Variants in HDHD2 observed in about 807,000 individuals in gnomAD.
HDHD2 encodes the protein haloacid dehalogenase-like hydrolase domain-containing protein 2.
In HDHD2, 26 loss-of-function variants were observed where a neutral mutation model predicts 24.8. That is an observed-to-expected ratio of 1.05 (90% CI 0.77 to 1.45). The LOEUF (loss-of-function observed/expected upper bound fraction) is 1.45. Ranked by LOEUF, HDHD2 falls within the 40% of genes most tolerant of loss-of-function variation. The pLI, the probability that HDHD2 is intolerant of heterozygous loss-of-function variation, is 0.00. For missense variants in HDHD2, 299 were observed against 313.4 expected (o/e 0.95, Z 0.35); for synonymous variants, 128 against 114.9 (o/e 1.11, Z -0.73).
At position 47,134,560 on chromosome 18, in the gene HDHD2, T is replaced by A; in HGVS notation, c.246A>T (p.Leu82Phe). 1 of 1,614,140 alleles carries A rather than the reference T, an allele frequency of 6.2e-7. No homozygotes were observed. The highest frequency in any genetic ancestry group is 1.1e-5 in the South Asian group (1 of 91,080). Residue 82 changes from leucine to phenylalanine, a missense_variant, in exon 3 of 7, where the codon TTA (leucine) becomes TTT (phenylalanine). Leu to Phe is a conservative substitution (Grantham distance 22). Transcript: ENST00000300605. ...IFTSLTAARS[L>F]LERKQVRPML... Reference sequence around the variant, plus strand: ...TGGGTCTGACTTGTTTCCGCTCTAGTAAACTTCTGGCTGCAGTCAGAGATG... The same window carrying A: ...TGGGTCTGACTTGTTTCCGCTCTAGAAAACTTCTGGCTGCAGTCAGAGATG...
intron 6 of HDHD2, chr18:47,109,589 C>G (rs2063499636): frequency 6.6e-6 from 1 of 152,304 alleles, no homozygotes; most frequent in African/African-American, 2.4e-5. Context: ...ACCCTCTCAC[C>G]TAAGCATGTG....
intron 4 of HDHD2, among the ~76,000 whole-genome samples, chr18:47,121,500 T>C (rs2063606809): frequency 6.6e-6 from 1 of 152,224 alleles, no homozygotes; most frequent in Non-Finnish European, 1.5e-5. Flanking sequence ...CTCTTTCACC[T>C]GAACTGTAAC....
intron 4 of HDHD2, among the ~76,000 whole-genome samples, chr18:47,127,660 G>A (rs2063672099): frequency 2.1e-5 from 3 of 141,986 alleles, no homozygotes; most frequent in Admixed American, 1.4e-4. Context: ...GAGATGAGCC[G>A]AGATCACACC....
chr18:47,136,343 T>C lies in HDHD2; in HGVS notation c.97A>G (p.Lys33Glu). Residue 33 changes from lysine to glutamate, a missense_variant, in exon 2 of 7, where the codon AAA becomes GAA. Lys to Glu is a moderately conservative substitution (Grantham distance 56). Transcript: ENST00000300605. ...TGAACCTGGAGGATAGCTTGCCTTTTAAGAGCTTCCTGTGCGCCTGGCACA... is the reference window on the plus strand; with the variant it reads ...TGAACCTGGAGGATAGCTTGCCTTTCAAGAGCTTCCTGTGCGCCTGGCACA... Reference protein sequence around the residue: ...AAVPGAQEALKRLRGASVIIR... With the variant: ...AAVPGAQEALERLRGASVIIR... 1.9e-6 allele frequency: 3 copies of C among 1,613,832 alleles called. No individual in the cohort carries two copies. Among genetic ancestry groups the C allele is most frequent in the Non-Finnish European group, 2.5e-6 (3 of 1,180,000 alleles).
chr18:47,145,955 G>A (rs55823165), intron 1 of HDHD2, among the ~76,000 whole-genome samples: 4,003 of 152,224 alleles, frequency 0.026, 61 homozygotes, highest in Non-Finnish European at 0.041. Flanking sequence ...AATCTGGCCG[G>A]GCACAGTGGC....
rs530421653 is a variant in HDHD2 at position 47,135,761 on chromosome 18, G to A, written c.101+578C>T. On this transcript the variant is annotated intron_variant, in intron 2 of 6. Transcript: ENST00000300605. ...ACCCAGAAGCAAACATTCACATTCC[G>A]CTTACTTTAACATACTTTTACTAGG... 6.3e-4 allele frequency among the ~76,000 whole-genome samples: 96 copies of A among 151,814 alleles called. 3 individuals are homozygous for A. The South Asian group carries it at 0.019, about 30-fold the overall frequency.
intron 6 of HDHD2, chr18:47,111,834 AAAC>A: frequency 1.0e-6 from 1 of 983,870 alleles, no homozygotes; most frequent in Non-Finnish European, 1.2e-6. Context: ...TTTCTTGAAC[AAAC>A]ATCATAGTCA....
chr18:47,116,347 T>C (rs1329642992), intron 4 of HDHD2, among the ~76,000 whole-genome samples: 1 of 152,228 alleles, frequency 6.6e-6, no homozygotes, highest in African/African-American at 2.4e-5. Flanking sequence ...ATATTTAGTA[T>C]GTCCATCAAG....
At position 47,108,765 on chromosome 18, in the gene HDHD2, C is replaced by T; in HGVS notation, c.697G>A (p.Glu233Lys). ...VKTGKYRASDEEKINPPPYLT... is the reference protein window; with the variant it reads ...VKTGKYRASDKEKINPPPYLT... ...TAAGGAGGTGGATTAATTTTTTCTT[C>T]ATCTGATGCTCGATATTTCCCTGAA... Residue 233 changes from glutamate to lysine, a missense_variant, in exon 7 of 7, where the codon GAA (glutamate) becomes AAA (lysine). By Grantham distance (56) the Glu-to-Lys change is moderately conservative. Transcript: ENST00000300605. 1.9e-6 allele frequency: 3 copies of T among 1,607,206 alleles called. No individual in the cohort carries two copies. The highest frequency in any genetic ancestry group is 2.6e-6 in the Non-Finnish European group (3 of 1,174,460).
chr18:47,116,721 A>C (rs2063560722), intron 4 of HDHD2, among the ~76,000 whole-genome samples: 1 of 152,154 alleles, frequency 6.6e-6, no homozygotes, highest in South Asian at 2.1e-4. Context: ...TGACTTATCT[A>C]TCTCTTCTCC....
chr18:47,111,038 T>TA (rs2063511911), intron 6 of HDHD2: 1 of 985,268 alleles, frequency 1.0e-6, no homozygotes, highest in African/African-American at 1.7e-5. Flanking sequence ...TGCACTGAGT[T>TA]AAAATTTACC....
intron 4 of HDHD2, among the ~76,000 whole-genome samples, chr18:47,119,142 T>C (rs1599929418): frequency 6.6e-6 from 1 of 152,346 alleles, no homozygotes; most frequent in Non-Finnish European, 1.5e-5. Flanking sequence ...CTTGCCTCGA[T>C]GTTGATGGCT....
At chr18:47,108,917 A>C in intron 6 of HDHD2, 132 bp from the exon 7 acceptor site, 1 of 604,140 alleles carries the variant, frequency 1.7e-6, no homozygotes, top group Non-Finnish European at 2.9e-6. Flanking sequence ...ACATCTCCCA[A>C]ATCACCTTTT....
In HDHD2 at chr18:47,108,720, G is replaced by A; in HGVS notation, c.742C>T (p.Pro248Ser). 1 of 1,610,000 alleles carries A rather than the reference G, an allele frequency of 6.2e-7. No individual in the cohort carries two copies. The highest frequency in any genetic ancestry group is 8.5e-7 in the Non-Finnish European group (1 of 1,176,770). The change falls in exon 7 of 7, where the codon CCT becomes TCT. Residue 248 changes from proline (P) to serine (S), a missense_variant. Pro to Ser is a moderately conservative substitution (Grantham distance 74). Coordinates refer to ENST00000300605, the MANE Select transcript of HDHD2 (RefSeq NM_032124.5). ...TGCAGAATGTGGTCCACAGCATGAG[G>A]GAAACTCTCACAAGTTAAGTAAGGA... ...PPPYLTCESF[P>S]HAVDHILQHL...
chr18:47,111,380 AAAG>A (rs2063514942), intron 6 of HDHD2: 25 of 971,984 alleles, frequency 2.6e-5, no homozygotes, highest in South Asian at 1.9e-4. Flanking sequence ...AAAAAAAAAA[AAAG>A]AAAGAAAGAA....
chr18:47,140,090 AT>A (rs1310496307), intron 1 of HDHD2, among the ~76,000 whole-genome samples: 2 of 152,168 alleles, frequency 1.3e-5, no homozygotes, highest in Non-Finnish European at 1.5e-5. Flanking sequence ...TAGTTTTACC[AT>A]TTTAGAATGT....
chr18:47,139,825 T>C (rs1399528695), intron 1 of HDHD2, among the ~76,000 whole-genome samples: 1 of 152,206 alleles, frequency 6.6e-6, no homozygotes, highest in Non-Finnish European at 1.5e-5. Flanking sequence ...CACAGAAGTC[T>C]TCTGTATTGA....
intron 1 of HDHD2, among the ~76,000 whole-genome samples, chr18:47,140,975 T>C (rs1240838441): frequency 6.6e-6 from 1 of 152,210 alleles, no homozygotes; most frequent in African/African-American, 2.4e-5. Context: ...TTTTTCTTAT[T>C]TTCTGTTTTA....
At chr18:47,146,063 C>A (rs1348987654) in intron 1 of HDHD2, among the ~76,000 whole-genome samples, 1 of 151,904 alleles carries the variant, frequency 6.6e-6, no homozygotes, top group African/African-American at 2.4e-5. Flanking sequence ...GAAACCCTGT[C>A]TCTACAAATA....
Sources: gnomAD v4.1 joint callset for allele counts (sites outside exome capture counted in the v4.1 genomes callset) on GRCh38, gnomAD v4.1.1 for gene constraint, MANE v1.5 for transcripts, NCBI Gene and HGNC (gene_info 2026-07-23, HGNC 2026-07-21) for gene names.